Variants in XYLT1 observed in about 807,000 individuals in gnomAD.
XYLT1 encodes beta-D-xylosyltransferase 1.
Under a neutral mutation model 91.3 loss-of-function variants are expected in XYLT1, and 36 were observed. The observed-to-expected ratio is 0.39, with a 90% CI of 0.30 to 0.52. The LOEUF (loss-of-function observed/expected upper bound fraction) is 0.52, where lower values mean the gene tolerates loss of function less well. Among genes scored for constraint, XYLT1 ranks in the 20% least tolerant of loss-of-function variants. The pLI is 0.68. For synonymous variants in XYLT1, 588 were observed against 532.0 expected, an observed-to-expected ratio of 1.11 and a Z score of -1.45; for missense variants, 1,242 against 1,284.5, an observed-to-expected ratio of 0.97 and a Z score of 0.51.
rs772681261 is a variant in XYLT1 at position 17,371,834 on chromosome 16, AAGAG to A, written c.364-13788_364-13785del. Among the ~76,000 whole-genome samples, 39 of 152,336 alleles carry A rather than the reference AAGAG, an allele frequency of 2.6e-4. No individual in the cohort carries two copies. In the East Asian group the frequency reaches 4.2e-3, roughly 17 times the overall value. On this transcript the variant is annotated intron_variant, in intron 1 of 11. Transcript: ENST00000261381. ...GTTTATTAAGAGACAGAGAGAAAGA[AAGAG>A]AGAGTGTATGTGTGTGAATATGCAT... is the stretch of plus-strand genomic sequence containing the variant.
intron 2 of XYLT1, among the ~76,000 whole-genome samples, chr16:17,283,375 C>T (rs978744373): frequency 5.9e-5 from 9 of 152,142 alleles, no homozygotes; most frequent in Admixed American, 2.0e-4. Flanking sequence ...GCTGGCCAGC[C>T]GTCTCTTCAC....
intron 6 of XYLT1, among the ~76,000 whole-genome samples, chr16:17,149,800 G>T (rs552681657): frequency 6.6e-6 from 1 of 152,156 alleles, no homozygotes; most frequent in African/African-American, 2.4e-5. Context: ...TTAATCATAT[G>T]GTACTTTGGT....
At chr16:17,244,983 T>C (rs2033413128) in intron 3 of XYLT1, among the ~76,000 whole-genome samples, 2 of 152,230 alleles carry the variant, frequency 1.3e-5, no homozygotes, top group Admixed American at 1.3e-4. Context: ...AGTTTCAGAT[T>C]TATACATCAG....
chr16:17,279,429 C>T (rs980783944), intron 2 of XYLT1, among the ~76,000 whole-genome samples: 4 of 152,112 alleles, frequency 2.6e-5, no homozygotes, highest in African/African-American at 9.7e-5. Context: ...AAGACACTTC[C>T]TTAAGGCCAC....
At chr16:17,231,819 T>C (rs1420190638) in intron 3 of XYLT1, among the ~76,000 whole-genome samples, 2 of 152,142 alleles carry the variant, frequency 1.3e-5, no homozygotes, top group African/African-American at 2.4e-5. Context: ...TTATCATGAA[T>C]GGAGCTTGCA....
chr16:17,302,994 G>A (rs2034419766), intron 2 of XYLT1, among the ~76,000 whole-genome samples: 3 of 151,160 alleles, frequency 2.0e-5, no homozygotes, highest in Admixed American at 6.6e-5. Flanking sequence ...AGGGTTGGCA[G>A]TATGGGTAGG....
chr16:17,446,569 G>A (rs2036594505), intron 1 of XYLT1, among the ~76,000 whole-genome samples: 1 of 152,148 alleles, frequency 6.6e-6, no homozygotes, highest in Admixed American at 6.5e-5. Flanking sequence ...AAGCCCCAGA[G>A]TGTCATATTC....
chr16:17,127,765 A>G lies in XYLT1; in HGVS notation c.2124T>C (p.Ala708=), dbSNP rs754246232. Residue 708 remains alanine, a synonymous_variant, in exon 10 of 12, where the codon GCT becomes GCC. Coordinates refer to ENST00000261381, the MANE Select transcript of XYLT1 (RefSeq NM_022166.4). The stretch of plus-strand genomic sequence containing the variant: ...TCTCCAGAGTCTCTAGTTTGCTCAC[A>G]GCCAGATTGGTAGCATGATGCTTGA... ...FLIKHHATNL[A]VSKLETLETW... 1.9e-6 allele frequency: 3 copies of G among 1,614,196 alleles called. No homozygotes were observed. The highest frequency in any genetic ancestry group is 8.5e-7 in the Non-Finnish European group (1 of 1,180,038).
chr16:17,118,345 C>G (rs969789920), intron 10 of XYLT1, among the ~76,000 whole-genome samples: 4 of 152,028 alleles, frequency 2.6e-5, no homozygotes, highest in African/African-American at 4.8e-5. Flanking sequence ...AAACATACAC[C>G]CTGCCACTCA....
rs191694314 is a variant in XYLT1, at chr16:17,188,561, C to T, written c.1289+9651G>A. Among the ~76,000 whole-genome samples, 307 of 152,318 alleles carry T rather than the reference C, an allele frequency of 2.0e-3. 1 individual carries two copies. Among genetic ancestry groups the T allele is most frequent in the African/African-American group, 7.2e-3 (298 of 41,576 alleles). On this transcript the variant is annotated intron_variant, in intron 5 of 11. Coordinates refer to ENST00000261381, the MANE Select transcript of XYLT1 (RefSeq NM_022166.4). ...CATCTACATCTCAGTTCACAGGCTGCCTCCTCAGGGAAGCCATCCGGGCCC... is the reference window on the plus strand; with the variant it reads ...CATCTACATCTCAGTTCACAGGCTGTCTCCTCAGGGAAGCCATCCGGGCCC...
At chr16:17,370,142 G>C (rs1270574539) in intron 1 of XYLT1, among the ~76,000 whole-genome samples, 1 of 152,224 alleles carries the variant, frequency 6.6e-6, no homozygotes, top group Non-Finnish European at 1.5e-5. Flanking sequence ...TCCGTGAATA[G>C]AGGACTCTCC....
chr16:17,386,248 C>T (rs891609847), intron 1 of XYLT1, among the ~76,000 whole-genome samples: 2 of 152,130 alleles, frequency 1.3e-5, no homozygotes, highest in African/African-American at 2.4e-5. Context: ...GATGTTGGGC[C>T]GGGCACTCTA....
At chr16:17,157,239 G>T (rs1001399455) in intron 6 of XYLT1, among the ~76,000 whole-genome samples, 2 of 152,094 alleles carry the variant, frequency 1.3e-5, no homozygotes, top group African/African-American at 4.8e-5. Flanking sequence ...TTGAGTCACG[G>T]CACCTGGCCA....
rs532304023 is a variant in XYLT1, at chr16:17,312,864, C to T, written c.402+45148G>A. On this transcript the variant is annotated intron_variant, in intron 2 of 11. Transcript: ENST00000261381. This position sits in a 1 kb window ranked among gnomAD's most constrained non-coding sequence, Gnocchi z 4.4. ...CAAGTTCTGGTAACTAGTGCAAACTCGCTCATGGATCAGAGATGTTTCTGA... is the reference window on the plus strand; with the variant it reads ...CAAGTTCTGGTAACTAGTGCAAACTTGCTCATGGATCAGAGATGTTTCTGA... Among the ~76,000 whole-genome samples, 112 of 152,348 alleles carry T rather than the reference C, an allele frequency of 7.4e-4. No homozygotes were observed. Among genetic ancestry groups the T allele is most frequent in the Non-Finnish European group, 1.1e-3 (76 of 68,036 alleles).
At chr16:17,184,664 C>T (rs987321023) in intron 5 of XYLT1, among the ~76,000 whole-genome samples, 1 of 152,204 alleles carries the variant, frequency 6.6e-6, no homozygotes, top group East Asian at 1.9e-4. Flanking sequence ...GCTTATAGAA[C>T]ATTTCCATCA....
At chr16:17,366,007 G>T (rs1247982694) in intron 1 of XYLT1, among the ~76,000 whole-genome samples, 1 of 150,632 alleles carries the variant, frequency 6.6e-6, no homozygotes. Flanking sequence ...GAGCTACAGA[G>T]TGTTAAGACA....
intron 2 of XYLT1, among the ~76,000 whole-genome samples, chr16:17,288,992 T>C (rs780527940): frequency 7.9e-5 from 12 of 152,218 alleles, no homozygotes; most frequent in Non-Finnish European, 1.8e-4. Flanking sequence ...ATAAAGTCAC[T>C]TGTCTAAGGC....
At chr16:17,369,223 G>A (rs947373744) in intron 1 of XYLT1, among the ~76,000 whole-genome samples, 3 of 150,320 alleles carry the variant, frequency 2.0e-5, no homozygotes, top group Non-Finnish European at 3.0e-5. Context: ...TCCACCTCCC[G>A]GGTTCAAGCG....
chr16:17,257,981 C>A (rs933517345), intron 3 of XYLT1, among the ~76,000 whole-genome samples: 14 of 152,178 alleles, frequency 9.2e-5, no homozygotes, highest in Non-Finnish European at 4.4e-5. Context: ...GCTAGTGAAA[C>A]TGGACTCCCC....
Sources: gnomAD v4.1 joint callset for allele counts (sites outside exome capture counted in the v4.1 genomes callset) on GRCh38, gnomAD v4.1.1 for gene constraint, Gnocchi (gnomAD v3.1) non-coding constraint, MANE v1.5 for transcripts, NCBI Gene and HGNC (gene_info 2026-07-23, HGNC 2026-07-21) for gene names.